FRMD4A: variants seen among roughly 807,000 people sequenced by gnomAD.
The protein encoded by FRMD4A is FERM domain-containing protein 4A.
A neutral mutation model predicts 129.1 loss-of-function variants in FRMD4A; 29 were observed. That is an observed-to-expected ratio of 0.22 (90% CI 0.17 to 0.31). The LOEUF is 0.31. FRMD4A is among the 10% of genes least tolerant of loss of function. FRMD4A has a pLI of 1.00. For synonymous variants in FRMD4A, 634 were observed against 571.6 expected (o/e 1.11, Z -1.56); for missense variants, 1,272 against 1,375.8 (o/e 0.92, Z 1.19).
intron 12 of FRMD4A, among the ~76,000 whole-genome samples, chr10:13,711,119 C>A (rs1394831229): frequency 6.6e-6 from 1 of 152,170 alleles, no homozygotes; most frequent in Non-Finnish European, 1.5e-5. Context: ...AGGGGGTGAG[C>A]TAGGGAGCAG....
intron 6 of FRMD4A, among the ~76,000 whole-genome samples, chr10:13,764,371 GGT>G (rs1223031616): frequency 6.6e-6 from 1 of 151,958 alleles, no homozygotes; most frequent in Non-Finnish European, 1.5e-5. Context: ...CTGGAGTGGT[GGT>G]GTATGCCTGT....
At chr10:14,068,714 G>A (rs1008292803) in intron 2 of FRMD4A, among the ~76,000 whole-genome samples, 28 of 152,188 alleles carry the variant, frequency 1.8e-4, no homozygotes, top group African/African-American at 6.8e-4. Flanking sequence ...AGAGTGCTGT[G>A]TAGAAGCCAA....
intron 2 of FRMD4A, among the ~76,000 whole-genome samples, chr10:14,020,833 G>T (rs1426779458): frequency 6.6e-6 from 1 of 152,148 alleles, no homozygotes; most frequent in Non-Finnish European, 1.5e-5. Context: ...AAGGGGGAAA[G>T]GTTAGGGAGA....
At chr10:13,674,053 C>G (rs1420744049) in intron 16 of FRMD4A, among the ~76,000 whole-genome samples, 1 of 152,110 alleles carries the variant, frequency 6.6e-6, no homozygotes, top group African/African-American at 2.4e-5. Context: ...CAGGCATGAG[C>G]AGCTGTGCCC....
intron 2 of FRMD4A, among the ~76,000 whole-genome samples, chr10:13,920,631 A>G (rs1448138777): frequency 6.6e-6 from 1 of 152,158 alleles, no homozygotes; most frequent in African/African-American, 2.4e-5. Context: ...CTTGTGTCGA[A>G]AGGGTATTTC....
chr10:14,035,624 C>T (rs55829876), intron 2 of FRMD4A, among the ~76,000 whole-genome samples: 32,497 of 151,840 alleles, frequency 0.21, 4,121 homozygotes, highest in East Asian at 0.54. Context: ...TGCGTACCCA[C>T]GAGGATTTTA....
chr10:13,968,745 C>A (rs2095500267), intron 2 of FRMD4A, among the ~76,000 whole-genome samples: 1 of 152,232 alleles, frequency 6.6e-6, no homozygotes, highest in Admixed American at 6.5e-5. Flanking sequence ...TGAGCCACTG[C>A]ACCTGGCTCC....
chr10:13,915,769 T>A (rs1030699032), intron 2 of FRMD4A, among the ~76,000 whole-genome samples: 2 of 151,696 alleles, frequency 1.3e-5, no homozygotes, highest in African/African-American at 4.8e-5. Flanking sequence ...CTGGAAGCGG[T>A]GGGTGAGTGT....
Position 14,014,543 on chromosome 10 carries a change from G to A in FRMD4A, c.46-155631C>T, listed in dbSNP as rs573306196. On this transcript the variant is annotated intron_variant, in intron 2 of 24. Coordinates refer to ENST00000357447, the MANE Select transcript of FRMD4A (RefSeq NM_018027.5). ...CTATAGCCTAGGTAATTCATGTCAC[G>A]TCTCATTAGAGGAAGCTGGGACTGA... 2.7e-4 allele frequency among the ~76,000 whole-genome samples: 41 copies of A among 152,210 alleles called. 1 individual carries two copies. In the South Asian group the frequency reaches 6.4e-3, roughly 24 times the overall value.
intron 2 of FRMD4A, among the ~76,000 whole-genome samples, chr10:14,060,363 T>C (rs1296603100): frequency 3.9e-5 from 6 of 152,162 alleles, no homozygotes. Flanking sequence ...TTGTAGGGGA[T>C]ATCAACTCTA....
chr10:14,224,385 C>A (rs993437111), intron 2 of FRMD4A, among the ~76,000 whole-genome samples: 8 of 152,200 alleles, frequency 5.3e-5, no homozygotes, highest in African/African-American at 1.9e-4. Context: ...GTGTCCACCT[C>A]CCCATCAAAG....
chr10:13,976,898 A>C (rs2095543894), intron 2 of FRMD4A, among the ~76,000 whole-genome samples: 3 of 152,186 alleles, frequency 2.0e-5, no homozygotes, highest in Non-Finnish European at 4.4e-5. Context: ...TTTTAAAAAG[A>C]CTTTCTTGGA....
At chr10:13,679,775 A>G (rs534231707) in intron 15 of FRMD4A, among the ~76,000 whole-genome samples, 226 of 152,082 alleles carry the variant, frequency 1.5e-3, no homozygotes, top group Non-Finnish European at 2.6e-3. Context: ...CCGCTGCTCT[A>G]CCTCAGGGCT....
At chr10:13,992,811 G>A (rs2131430924) in intron 2 of FRMD4A, among the ~76,000 whole-genome samples, 1 of 152,024 alleles carries the variant, frequency 6.6e-6, no homozygotes, top group South Asian at 2.1e-4. Flanking sequence ...AAATTAGCCA[G>A]GCATGGTGGC....
At chr10:14,099,574 C>T (rs1243193833) in intron 2 of FRMD4A, among the ~76,000 whole-genome samples, 2 of 152,114 alleles carry the variant, frequency 1.3e-5, no homozygotes, top group Non-Finnish European at 2.9e-5. Context: ...ATGTAGGTTT[C>T]ACAACCCGTG....
intron 2 of FRMD4A, among the ~76,000 whole-genome samples, chr10:13,883,057 G>T (rs2094565641): frequency 6.6e-6 from 1 of 152,072 alleles, no homozygotes; most frequent in Non-Finnish European, 1.5e-5. Context: ...TCTCGCCTCG[G>T]TCTCCCAAAG....
At chr10:14,220,808 G>GTT (rs766916189) in intron 2 of FRMD4A, among the ~76,000 whole-genome samples, 665 of 17,208 alleles carry the variant, frequency 0.039, 2 homozygotes, top group Admixed American at 0.1. Flanking sequence ...GTGTGTGTGT[G>GTT]TGTTTGTGTG....
At chr10:14,171,146 G>A (rs897624339) in intron 2 of FRMD4A, among the ~76,000 whole-genome samples, 10 of 151,764 alleles carry the variant, frequency 6.6e-5, no homozygotes, top group Admixed American at 5.3e-4. Flanking sequence ...AAAAATTCAC[G>A]GACATGATTG....
At chr10:14,170,787 T>G (rs911418292) in intron 2 of FRMD4A, among the ~76,000 whole-genome samples, 4 of 148,972 alleles carry the variant, frequency 2.7e-5, no homozygotes, top group Non-Finnish European at 5.9e-5. Flanking sequence ...CTTCCCTCCC[T>G]TCCACTCCCC....
Sources: gnomAD v4.1 joint callset for allele counts (sites outside exome capture counted in the v4.1 genomes callset) on GRCh38, gnomAD v4.1.1 for gene constraint, MANE v1.5 for transcripts, NCBI Gene and HGNC (gene_info 2026-07-23, HGNC 2026-07-21) for gene names.